Variants in SIL1 observed in about 807,000 individuals in gnomAD.
The protein encoded by SIL1 is nucleotide exchange factor SIL1.
SIL1 carries 40 observed loss-of-function variants against 49.1 expected under a neutral mutation model. The observed-to-expected ratio is 0.81, with a 90% CI of 0.63 to 1.06. The LOEUF (loss-of-function observed/expected upper bound fraction) is 1.06. Among genes scored for constraint, SIL1 ranks in the 50% least tolerant of loss-of-function variants. The probability of loss-of-function intolerance (pLI) is 0.00; values close to 1 mark genes in which losing one functional copy is unlikely to be tolerated. For synonymous variants in SIL1, 253 were observed against 250.8 expected (o/e 1.01, Z -0.08); for missense variants, 500 against 572.6 (o/e 0.87, Z 1.29).
At chr5:139,068,605 TGAAAACAAGAGAAGA>T (rs1769758046) in intron 3 of SIL1, among the ~76,000 whole-genome samples, 1 of 131,872 alleles carries the variant, frequency 7.6e-6, no homozygotes, top group Non-Finnish European at 1.6e-5. Flanking sequence ...GAACACTACC[TGAAAACAAGAGAAGA>T]GAAAACTTTC....
chr5:139,023,969 G>C (rs768574645), intron 6 of SIL1, among the ~76,000 whole-genome samples: 5 of 152,226 alleles, frequency 3.3e-5, no homozygotes, highest in African/African-American at 7.2e-5. Flanking sequence ...GGTCTGGTGA[G>C]GTGGCCTGTG....
At chr5:139,038,906 G>A (rs1430940396) in intron 5 of SIL1, among the ~76,000 whole-genome samples, 2 of 152,222 alleles carry the variant, frequency 1.3e-5, no homozygotes, top group African/African-American at 2.4e-5. Flanking sequence ...CACCCCAACA[G>A]ACACCATGTT....
At chr5:139,117,415 G>A (rs62381242) in intron 3 of SIL1, among the ~76,000 whole-genome samples, 13,937 of 152,216 alleles carry the variant, frequency 0.092, 1,210 homozygotes, top group African/African-American at 0.23. Flanking sequence ...GGCAGAGTCA[G>A]TGCTCAGTAA....
intron 3 of SIL1, among the ~76,000 whole-genome samples, chr5:139,089,144 CCCCT>C (rs1770288918): frequency 6.6e-6 from 1 of 152,160 alleles, no homozygotes; most frequent in Non-Finnish European, 1.5e-5. Flanking sequence ...TAGTAAATAT[CCCCT>C]CTGTGACTAT....
intron 5 of SIL1, among the ~76,000 whole-genome samples, chr5:139,036,210 C>T (rs13161013): frequency 0.25 from 38,767 of 152,066 alleles, 5,969 homozygotes; most frequent in Middle Eastern, 0.39. Flanking sequence ...TTGGCATCTT[C>T]GTCATGAAAT....
intron 3 of SIL1, among the ~76,000 whole-genome samples, chr5:139,067,807 C>T (rs1454417062): frequency 6.6e-6 from 1 of 152,236 alleles, no homozygotes. Flanking sequence ...AAAACTGTAA[C>T]TGTTCATTCC....
chr5:139,191,231 A>G (rs1752161872), intron 1 of SIL1, among the ~76,000 whole-genome samples: 1 of 151,208 alleles, frequency 6.6e-6, no homozygotes, highest in Non-Finnish European at 1.5e-5. Flanking sequence ...CAAAAAAAAA[A>G]AAAAAAAAAA....
chr5:139,075,254 C>G (rs1769924549), intron 3 of SIL1, among the ~76,000 whole-genome samples: 1 of 152,220 alleles, frequency 6.6e-6, no homozygotes, highest in Non-Finnish European at 1.5e-5. Context: ...CCAACCTGGA[C>G]AGGGTTCAGT....
chr5:139,049,929 A>T (rs913553464), intron 4 of SIL1, among the ~76,000 whole-genome samples: 3 of 152,282 alleles, frequency 2.0e-5, no homozygotes, highest in Non-Finnish European at 2.9e-5. Flanking sequence ...TAATGACTGG[A>T]TACTATTTTA....
chr5:139,072,890 G>C (rs1413026746), intron 3 of SIL1, among the ~76,000 whole-genome samples: 1 of 152,040 alleles, frequency 6.6e-6, no homozygotes, highest in Non-Finnish European at 1.5e-5. Context: ...TTTAAAATGG[G>C]CAAAGGACCT....
chr5:139,099,921 A>G (rs1770550162), intron 3 of SIL1, among the ~76,000 whole-genome samples: 2 of 152,326 alleles, frequency 1.3e-5, no homozygotes, highest in Admixed American at 6.5e-5. Context: ...TTAAATAACT[A>G]AAAGAGTATA....
At chr5:138,988,237 C>T (rs1767684567) in intron 7 of SIL1, among the ~76,000 whole-genome samples, 1 of 152,350 alleles carries the variant, frequency 6.6e-6, no homozygotes, top group African/African-American at 2.4e-5. Flanking sequence ...CAGACCCGTA[C>T]ACCTGGTTCT....
In SIL1 at chr5:139,085,344, G is replaced by A. The variant is rs151027852; in HGVS notation, c.245-34298C>T. 5.3e-5 allele frequency among the ~76,000 whole-genome samples: 8 copies of A among 152,290 alleles called. 1 individual carries two copies. In the East Asian group the frequency reaches 1.5e-3, roughly 29 times the overall value. ...AAGTTGGATCTTAACTCTAAACAGT[G>A]GGAAACCACTTCGGTTTCTTCAGGG... On this transcript the variant is annotated intron_variant, in intron 3 of 9. Transcript: ENST00000394817.
At chr5:139,124,465 T>C (rs920579272) in intron 2 of SIL1, among the ~76,000 whole-genome samples, 1 of 152,222 alleles carries the variant, frequency 6.6e-6, no homozygotes, top group Non-Finnish European at 1.5e-5. Context: ...TATTTTAAAG[T>C]ACACCTCAGT....
chr5:139,166,255 A>T (rs746978141), intron 1 of SIL1, among the ~76,000 whole-genome samples: 33 of 152,250 alleles, frequency 2.2e-4, no homozygotes, highest in Non-Finnish European at 3.8e-4. Context: ...ACAACAGACC[A>T]CTTATACGAC....
chr5:139,120,008 C>T (rs1382108707), intron 3 of SIL1, among the ~76,000 whole-genome samples: 1 of 152,226 alleles, frequency 6.6e-6, no homozygotes, highest in African/African-American at 2.4e-5. Context: ...CTGGCTTCCT[C>T]GGTGCTTCAT....
chr5:139,145,906 T>TA (rs920417087), intron 1 of SIL1, among the ~76,000 whole-genome samples: 62 of 141,684 alleles, frequency 4.4e-4, no homozygotes, highest in South Asian at 6.8e-4. Context: ...AAAAAATAAA[T>TA]AAAAAAAAAA....
At chr5:139,153,018 A>T (rs1751336975) in intron 1 of SIL1, among the ~76,000 whole-genome samples, 1 of 152,110 alleles carries the variant, frequency 6.6e-6, no homozygotes, top group African/African-American at 2.4e-5. Context: ...GGGTTTCTCC[A>T]TGTTGGTCAG....
chr5:139,106,496 G>A (rs1770715725), intron 3 of SIL1, among the ~76,000 whole-genome samples: 1 of 152,118 alleles, frequency 6.6e-6, no homozygotes, highest in African/African-American at 2.4e-5. Flanking sequence ...TAAATCAACA[G>A]CAAAAAGCAG....
Sources: gnomAD v4.1 joint callset for allele counts (sites outside exome capture counted in the v4.1 genomes callset) on GRCh38, gnomAD v4.1.1 for gene constraint, MANE v1.5 for transcripts, NCBI Gene and HGNC (gene_info 2026-07-23, HGNC 2026-07-21) for gene names.